AIM2: variants seen among roughly 807,000 people sequenced by gnomAD.
The protein encoded by AIM2 is absent in melanoma 2, also known as interferon-inducible protein AIM2.
A neutral mutation model predicts 27.7 loss-of-function variants in AIM2; 30 were observed. The ratio of observed to expected loss-of-function variants is 1.08; its 90% CI spans 0.81 to 1.47. The LOEUF (loss-of-function observed/expected upper bound fraction) is 1.47. Ranked by LOEUF, AIM2 falls within the 40% of genes most tolerant of loss-of-function variation. AIM2 has a pLI of 0.00. For missense variants in AIM2, 358 were observed against 411.3 expected, an observed-to-expected ratio of 0.87 and a Z score of 1.12; for synonymous variants, 141 against 145.3, an observed-to-expected ratio of 0.97 and a Z score of 0.21.
chr1:159,111,635 A>G (rs192701573), intron 1 of AIM2, among the ~76,000 whole-genome samples: 24 of 152,160 alleles, frequency 1.6e-4, no homozygotes, highest in African/African-American at 5.3e-4. Flanking sequence ...GTCCTAGAAA[A>G]GATTTTTAAA....
chr1:159,118,807 T>C (rs1647452861), intron 1 of AIM2, among the ~76,000 whole-genome samples: 1 of 152,162 alleles, frequency 6.6e-6, no homozygotes. Context: ...TAAAACACAA[T>C]ACAGTTGTCA....
chr1:159,101,697 G>A (rs1657314906), intron 1 of AIM2, among the ~76,000 whole-genome samples: 1 of 152,162 alleles, frequency 6.6e-6, no homozygotes, highest in Non-Finnish European at 1.5e-5. Flanking sequence ...GAACTTCTTG[G>A]GAGCTGGAGC....
chr1:159,102,331 G>A (rs181459155), intron 1 of AIM2, among the ~76,000 whole-genome samples: 97 of 152,350 alleles, frequency 6.4e-4, no homozygotes, highest in South Asian at 3.3e-3. Context: ...GCGTGTCTAG[G>A]CAGAGGTGTG....
At chr1:159,105,632 T>G (rs1570967026) in intron 1 of AIM2, among the ~76,000 whole-genome samples, 1 of 152,138 alleles carries the variant, frequency 6.6e-6, no homozygotes, top group African/African-American at 2.4e-5. Flanking sequence ...GTCCAGCTCT[T>G]AGCAGAGAGG....
At chr1:159,111,492 T>C (rs1490582341) in intron 1 of AIM2, among the ~76,000 whole-genome samples, 1 of 152,130 alleles carries the variant, frequency 6.6e-6, no homozygotes, top group Non-Finnish European at 1.5e-5. Flanking sequence ...AAAGAGAACT[T>C]GCTCCTAAAC....
the AIM2 span, among the ~76,000 whole-genome samples, chr1:159,056,125 A>G: frequency 6.6e-6 from 1 of 152,318 alleles, no homozygotes; most frequent in South Asian, 2.1e-4. Flanking sequence ...GCTCGCAGAC[A>G]ATTTGAAGTG....
chr1:159,077,954 G>A (rs1355903262), upstream of AIM2, among the ~76,000 whole-genome samples: 2 of 152,204 alleles, frequency 1.3e-5, no homozygotes, highest in East Asian at 1.9e-4. Context: ...ATCACAATAG[G>A]ACATGATGAT....
chr1:159,109,357 T>C (rs778542191), intron 1 of AIM2, among the ~76,000 whole-genome samples: 4 of 152,186 alleles, frequency 2.6e-5, no homozygotes, highest in Non-Finnish European at 5.9e-5. Context: ...GCTAGCCACA[T>C]GTAAGAGAAT....
intron 1 of AIM2, among the ~76,000 whole-genome samples, chr1:159,110,185 A>G (rs1657534818): frequency 6.6e-6 from 1 of 152,228 alleles, no homozygotes; most frequent in Non-Finnish European, 1.5e-5. Flanking sequence ...ATGAGGATAA[A>G]GAGACTGTAG....
upstream of AIM2, among the ~76,000 whole-genome samples, chr1:159,079,670 C>T (rs1328150460): frequency 1.3e-5 from 2 of 152,152 alleles, no homozygotes; most frequent in Non-Finnish European, 2.9e-5. Context: ...AACATTCCCA[C>T]CAGGGTGGAC....
At chr1:159,111,281 A>G (rs1449086282) in intron 1 of AIM2, among the ~76,000 whole-genome samples, 2 of 152,216 alleles carry the variant, frequency 1.3e-5, no homozygotes, top group African/African-American at 2.4e-5. Context: ...GGGTATGTGT[A>G]GCCTTGTTCA....
chr1:159,137,843 A>G (rs927791192), intron 1 of AIM2, among the ~76,000 whole-genome samples: 2 of 152,210 alleles, frequency 1.3e-5, no homozygotes, highest in Non-Finnish European at 2.9e-5. Context: ...AGTGTTCACC[A>G]GTCTGGAAAA....
rs1362995041 is a variant in AIM2 at position 159,068,636 on chromosome 1, C to T, written c.328G>A (p.Ala110Thr). The change falls in exon 3 of 6, where the codon GCA (alanine) becomes ACA (threonine). Residue 110 changes from alanine (A) to threonine (T), a missense_variant. By Grantham distance (58) the Ala-to-Thr change is moderately conservative (BLOSUM62 0). Coordinates refer to ENST00000368130, the MANE Select transcript of AIM2 (RefSeq NM_004833.3). ...ACATCATTTCTGATGGCTGCAGATGCAGCAGGACTCATTTCAGCTTGACTT... is the reference window on the plus strand; with the variant it reads ...ACATCATTTCTGATGGCTGCAGATGTAGCAGGACTCATTTCAGCTTGACTT... ...PLSQAEMSPAASAAIRNDVAK... is the reference protein window; with the variant it reads ...PLSQAEMSPATSAAIRNDVAK... 2 of 1,613,878 alleles carry T rather than the reference C, an allele frequency of 1.2e-6. No individual in the cohort carries two copies. The highest frequency in any genetic ancestry group is 1.1e-5 in the South Asian group (1 of 91,068).
At chr1:159,112,857 A>T (rs556539997) in intron 1 of AIM2, among the ~76,000 whole-genome samples, 1 of 151,638 alleles carries the variant, frequency 6.6e-6, no homozygotes, top group Non-Finnish European at 1.5e-5. Context: ...TTTCTACTAG[A>T]CTTTTTTTTA....
downstream of AIM2, among the ~76,000 whole-genome samples, chr1:159,061,475 C>T (rs1655832208): frequency 6.6e-6 from 1 of 151,950 alleles, no homozygotes; most frequent in Non-Finnish European, 1.5e-5. Flanking sequence ...TCACTGCAAA[C>T]TCCGCCTCCT....
chr1:159,113,443 C>T (rs1261739600), intron 1 of AIM2, among the ~76,000 whole-genome samples: 1 of 152,184 alleles, frequency 6.6e-6, no homozygotes, highest in Non-Finnish European at 1.5e-5. Context: ...TCTTGGTCAA[C>T]CCGTTCAACA....
chr1:159,114,442 C>T lies in AIM2; in HGVS notation c.-16+25989G>A, dbSNP rs562190626. On this transcript the variant is annotated intron_variant, in intron 1 of 2. Coordinates refer to the AIM2 transcript ENST00000368129. ...CCAGTCTTCTAAAGTCACTTGGGGA[C>T]GGGCATGGTGGCTCATGCTTGTAAT... Among the ~76,000 whole-genome samples, 9 of 152,226 alleles carry T rather than the reference C, an allele frequency of 5.9e-5. No individual in the cohort carries two copies. In the South Asian group the frequency reaches 8.3e-4, roughly 14 times the overall value.
At chr1:159,090,945 C>T (rs1657029026) in intron 1 of AIM2, among the ~76,000 whole-genome samples, 1 of 152,194 alleles carries the variant, frequency 6.6e-6, no homozygotes, top group African/African-American at 2.4e-5. Flanking sequence ...TTGTGTTCAG[C>T]ACCATCACTC....
At chr1:159,113,184 T>C in intron 1 of AIM2, among the ~76,000 whole-genome samples, 1 of 152,130 alleles carries the variant, frequency 6.6e-6, no homozygotes, top group South Asian at 2.1e-4. Context: ...TACCTCATGA[T>C]CCACCTGCCT....
Sources: allele counts gnomAD v4.1 joint callset (sites outside exome capture counted in the v4.1 genomes callset), GRCh38; gene constraint gnomAD v4.1.1; transcripts MANE v1.5; gene names NCBI Gene and HGNC (gene_info 2026-07-23, HGNC 2026-07-21).